The following TTC1 variants were observed in gnomAD, a reference collection of about 807,000 sequenced individuals.
TTC1 encodes the protein tetratricopeptide repeat domain 1.
Under a neutral mutation model 37.6 loss-of-function variants are expected in TTC1, and 31 were observed. That is an observed-to-expected ratio of 0.82 (90% CI 0.62 to 1.11). TTC1 has a LOEUF of 1.11. Ranked by LOEUF, TTC1 falls within the 50% of genes most tolerant of loss-of-function variation. TTC1 has a pLI of 0.00. For missense variants in TTC1, 351 were observed against 339.0 expected, an observed-to-expected ratio of 1.04 and a Z score of -0.28; for synonymous variants, 127 against 122.4, an observed-to-expected ratio of 1.04 and a Z score of -0.25.
chr5:160,036,850 G>T, intron 4 of TTC1, 47 bp downstream of exon 4: 1 of 1,337,014 alleles, frequency 7.5e-7, no homozygotes. Flanking sequence ...TGGACTTGCA[G>T]TCTTTTCATA....
intron 2 of TTC1, chr5:160,023,786 G>C: frequency 6.2e-7 from 1 of 1,613,424 alleles, no homozygotes; most frequent in South Asian, 1.1e-5. Flanking sequence ...GTCTTTTGAT[G>C]TGTGCCTTGC....
At chr5:160,056,052 G>A (rs1757537976) in intron 7 of TTC1, among the ~76,000 whole-genome samples, 1 of 152,216 alleles carries the variant, frequency 6.6e-6, no homozygotes. Context: ...ACACAAGTAT[G>A]GCTTGTATTC....
chr5:160,030,500 A>C (rs1383680910), intron 2 of TTC1, among the ~76,000 whole-genome samples: 1 of 152,178 alleles, frequency 6.6e-6, no homozygotes, highest in African/African-American at 2.4e-5. Flanking sequence ...AAATGAGCTG[A>C]TGTATGTGAC....
At chr5:160,049,437 A>T in intron 5 of TTC1, 77 bp from the exon 6 acceptor site, 1 of 1,296,252 alleles carries the variant, frequency 7.7e-7, no homozygotes, top group Non-Finnish European at 1.0e-6. Flanking sequence ...AGGATGATTG[A>T]TGAAGGAATC....
intron 2 of TTC1, chr5:160,023,672 G>C: frequency 7.3e-7 from 1 of 1,378,522 alleles, no homozygotes; most frequent in African/African-American, 1.4e-5. Flanking sequence ...GGCTCAATGG[G>C]GACAAAGCCG....
intron 2 of TTC1, among the ~76,000 whole-genome samples, chr5:160,012,082 T>TA (rs1244695276): frequency 6.6e-6 from 1 of 152,140 alleles, no homozygotes; most frequent in Non-Finnish European, 1.5e-5. Context: ...CCACAGCAAA[T>TA]ACAGCTCAAA....
At chr5:160,051,781 A>G (rs928415567) in intron 7 of TTC1, among the ~76,000 whole-genome samples, 2 of 152,218 alleles carry the variant, frequency 1.3e-5, no homozygotes, top group Admixed American at 1.3e-4. Flanking sequence ...CTTAAGTAAG[A>G]GGAGTGAGGG....
chr5:160,019,580 C>CTTTTTTTTTT (rs201420281), intron 2 of TTC1, among the ~76,000 whole-genome samples: 5 of 108,706 alleles, frequency 4.6e-5, no homozygotes, highest in African/African-American at 7.1e-5. Flanking sequence ...TTCTTTCATT[C>CTTTTTTTTTT]TTTTTTTTTT....
intron 6 of TTC1, 31 bp downstream of exon 6, chr5:160,049,693 C>T (rs773768730): frequency 1.3e-6 from 2 of 1,489,024 alleles, no homozygotes; most frequent in Non-Finnish European, 1.8e-6. Flanking sequence ...AATATTTTTC[C>T]TTCTATTCTT....
intron 7 of TTC1, among the ~76,000 whole-genome samples, chr5:160,063,934 G>A (rs1048884741): frequency 3.4e-5 from 5 of 148,388 alleles, no homozygotes; most frequent in African/African-American, 1.2e-4. Context: ...GAGTCACCAT[G>A]CTTGGCAAGA....
chr5:160,013,196 C>T (rs1477827188), intron 2 of TTC1, among the ~76,000 whole-genome samples: 1 of 152,086 alleles, frequency 6.6e-6, no homozygotes, highest in African/African-American at 2.4e-5. Context: ...GTGCAGATTG[C>T]CTTCAGCTAA....
intron 2 of TTC1, among the ~76,000 whole-genome samples, chr5:160,020,463 A>G (rs1377714316): frequency 1.3e-5 from 2 of 152,204 alleles, no homozygotes; most frequent in Non-Finnish European, 2.9e-5. Context: ...GCTCTAAAAC[A>G]GGGGTCGTCA....
chr5:160,056,964 A>G (rs1757562251), intron 7 of TTC1, among the ~76,000 whole-genome samples: 1 of 152,130 alleles, frequency 6.6e-6, no homozygotes, highest in Non-Finnish European at 1.5e-5. Context: ...ACATGTAGGT[A>G]CAGAAACCCA....
At chr5:160,047,243 G>A (rs975676679) in intron 5 of TTC1, among the ~76,000 whole-genome samples, 5 of 151,922 alleles carry the variant, frequency 3.3e-5, no homozygotes, top group African/African-American at 9.7e-5. Flanking sequence ...CAGATTTAAC[G>A]TGCCCAGCCC....
In TTC1 at chr5:160,065,168, C is replaced by G. The variant is rs930178809; in HGVS notation, c.*103C>G. On this transcript the variant is annotated 3_prime_UTR_variant, in exon 8 of 8. Coordinates refer to ENST00000231238, the MANE Select transcript of TTC1 (RefSeq NM_003314.3). ...TGTTTAACTTTTAAAAGCATCTTAT[C>G]TAAAAGAAAGGCTATCCAGTAGAGC... 5 of 1,496,278 alleles carry G rather than the reference C, an allele frequency of 3.3e-6. No homozygotes were observed. In the Admixed American group the frequency reaches 7.8e-5, roughly 23 times the overall value. 92.7% of individuals were successfully genotyped at this position (1,496,278 alleles called of 1,614,324 possible).
chr5:160,022,229 G>A (rs1401049050), intron 2 of TTC1, among the ~76,000 whole-genome samples: 1 of 152,122 alleles, frequency 6.6e-6, no homozygotes, highest in Non-Finnish European at 1.5e-5. Context: ...AGTCAAGTGT[G>A]TTTATGTTGT....
intron 5 of TTC1, among the ~76,000 whole-genome samples, chr5:160,043,527 G>A (rs535120483): frequency 6.6e-6 from 1 of 152,238 alleles, no homozygotes; most frequent in African/African-American, 2.4e-5. Flanking sequence ...CAGGAGGTTG[G>A]GGCTGTGGTG....
Position 160,057,144 on chromosome 5 carries a change from G to A in TTC1, c.745+5961G>A, listed in dbSNP as rs1757567245. On this transcript the variant is annotated intron_variant, in intron 7 of 7. Coordinates refer to ENST00000231238, the MANE Select transcript of TTC1 (RefSeq NM_003314.3). The surrounding 1 kb of genome is among the most constrained non-coding windows in gnomAD (Gnocchi z 4.4). ...AATATCAGTAGCTTTTCAGTGCTTT[G>A]CTTTTGTCTTCATTTCCTAATTGCT... Among the ~76,000 whole-genome samples, 1 of 152,132 alleles carries A rather than the reference G, an allele frequency of 6.6e-6. No homozygotes were observed. The highest frequency in any genetic ancestry group is 1.5e-5 in the Non-Finnish European group (1 of 68,016).
intron 5 of TTC1, among the ~76,000 whole-genome samples, chr5:160,047,875 A>G (rs1423791053): frequency 6.6e-6 from 1 of 152,066 alleles, no homozygotes; most frequent in Non-Finnish European, 1.5e-5. Flanking sequence ...TTGTATTTCC[A>G]TGACCTTGTT....
Sources: allele counts gnomAD v4.1 joint callset (sites outside exome capture counted in the v4.1 genomes callset), GRCh38; gene constraint gnomAD v4.1.1; non-coding constraint Gnocchi (gnomAD v3.1); transcripts MANE v1.5; gene names NCBI Gene and HGNC (gene_info 2026-07-23, HGNC 2026-07-21).